Variants in TXLNA observed in about 807,000 individuals in gnomAD.
TXLNA encodes the protein alpha-taxilin.
A neutral mutation model predicts 61.4 loss-of-function variants in TXLNA; 9 were observed. That is an observed-to-expected ratio of 0.15 (90% CI 0.09 to 0.26). The LOEUF is 0.26. TXLNA is among the 10% of genes least tolerant of loss of function. The pLI, the probability that TXLNA is intolerant of heterozygous loss-of-function variation, is 1.00. For synonymous variants in TXLNA, 257 were observed against 267.7 expected, an observed-to-expected ratio of 0.96 and a Z score of 0.39; for missense variants, 565 against 688.8, an observed-to-expected ratio of 0.82 and a Z score of 2.01.
In TXLNA at chr1:32,180,451, C is replaced by A; in HGVS notation, c.106C>A (p.Gln36Lys). The change falls in exon 2 of 11, where the codon CAG (glutamine) becomes AAG (lysine). Residue 36 changes from glutamine to lysine, a missense_variant. Coordinates refer to ENST00000373610, the MANE Select transcript of TXLNA (RefSeq NM_175852.4). ...CGAGGGAGCCCAGGAGCGGCCCAGCCAGGCGGCTCCTGCAGTAGAAGCAGA... is the reference window on the plus strand; with the variant it reads ...CGAGGGAGCCCAGGAGCGGCCCAGCAAGGCGGCTCCTGCAGTAGAAGCAGA... ...GPEGAQERPS[Q>K]AAPAVEAEGP... The A allele has an allele frequency of 6.2e-7, 1 of 1,613,250 alleles. No homozygotes were observed. Among genetic ancestry groups the A allele is most frequent in the East Asian group, 2.2e-5 (1 of 44,868 alleles).
At chr1:32,184,689 G>A (rs2124140231) in intron 4 of TXLNA, 73 bp downstream of exon 4, 3 of 1,048,606 alleles carry the variant, frequency 2.9e-6, no homozygotes, top group Admixed American at 2.0e-5. Context: ...AAGGTTGGGG[G>A]TGCAGAGTCA....
Position 32,180,335 on chromosome 1 carries a change from C to T in TXLNA, c.-11C>T, listed in dbSNP as rs1176172022. On this transcript the variant is annotated 5_prime_UTR_variant, in exon 2 of 11. Transcript: ENST00000373610. ...AAAGGATCTTCTCCTGACCCAGCAT[C>T]GCTCATCACAATGAAGAACCAAGAC... 2 of 1,603,272 alleles carry T rather than the reference C, an allele frequency of 1.2e-6. No homozygotes were observed. Among genetic ancestry groups the T allele is most frequent in the African/African-American group, 1.3e-5 (1 of 74,080 alleles).
intron 5 of TXLNA, among the ~76,000 whole-genome samples, chr1:32,189,584 G>A (rs937429919): frequency 2.7e-5 from 4 of 147,444 alleles, no homozygotes; most frequent in Non-Finnish European, 4.5e-5. Context: ...GTGGCCCATC[G>A]CCCAGGCTGG....
intron 5 of TXLNA, among the ~76,000 whole-genome samples, chr1:32,189,027 T>C (rs531773377): frequency 2.8e-3 from 431 of 152,372 alleles, no homozygotes; most frequent in Non-Finnish European, 5.0e-3. Context: ...TACCATTTCA[T>C]ATCCTGTGCC....
At chr1:32,190,373 T>A in intron 6 of TXLNA, 124 bp downstream of exon 6, 3 of 892,518 alleles carry the variant, frequency 3.4e-6, no homozygotes, top group Non-Finnish European at 4.9e-6. Context: ...TCCTCCTCCT[T>A]GGGAGGAGAG....
rs889359893 is a variant in TXLNA at position 32,179,723 on chromosome 1, G to C, written c.-86G>C. On this transcript the variant is annotated 5_prime_UTR_variant, in exon 1 of 11. Transcript: ENST00000373610. ...GGCGGCTGGCCGGCAGCAGTTACTCGGGGTTTCCGGTGCGAGGCCAGAGGT... is the reference window on the plus strand; with the variant it reads ...GGCGGCTGGCCGGCAGCAGTTACTCCGGGTTTCCGGTGCGAGGCCAGAGGT... 1 of 152,442 alleles carries C rather than the reference G, an allele frequency of 6.6e-6. No homozygotes were observed. Among genetic ancestry groups the C allele is most frequent in the Non-Finnish European group, 1.5e-5 (1 of 68,238 alleles). The allele number at this position is 152,442 out of a possible 1,614,324, so 9.4% of individuals were successfully genotyped here.
At chr1:32,194,285 T>C in intron 10 of TXLNA, 125 bp downstream of exon 10, 1 of 776,190 alleles carries the variant, frequency 1.3e-6, no homozygotes, top group Non-Finnish European at 2.1e-6. Flanking sequence ...TTGCACACAA[T>C]GTCCAAGTCC....
rs1642877169 is a variant in TXLNA, at chr1:32,190,260, C to T, written c.963+11C>T. On this transcript the variant is annotated intron_variant, in intron 6 of 10. Coordinates refer to ENST00000373610, the MANE Select transcript of TXLNA (RefSeq NM_175852.4). ...GAGCTGCGCGAGGAGGTAAGGGTAT[C>T]ACGGACAGCAGTCATGGCCCAGAAA... 1.9e-6 allele frequency: 3 copies of T among 1,580,530 alleles called. No individual in the cohort carries two copies. The highest frequency in any genetic ancestry group is 2.6e-6 in the Non-Finnish European group (3 of 1,157,830).
At chr1:32,185,478 C>T (rs1014152072) in intron 4 of TXLNA, among the ~76,000 whole-genome samples, 4 of 151,634 alleles carry the variant, frequency 2.6e-5, no homozygotes, top group African/African-American at 7.3e-5. Flanking sequence ...CTGCAAGCTC[C>T]GCCTTCTGGG....
Position 32,192,449 on chromosome 1 carries a change from G to A in TXLNA, c.1083+19G>A. On this transcript the variant is annotated intron_variant, in intron 7 of 10. Transcript: ENST00000373610. This position sits in a 1 kb window ranked among gnomAD's most constrained non-coding sequence, Gnocchi z 4.2. ...GGATTTTGTGAGGCTCAGGCCCCAG[G>A]GTTGGGGTGGGGGTGGGAGGAGACA... 3.9e-6 allele frequency: 6 copies of A among 1,530,808 alleles called. No homozygotes were observed. Among genetic ancestry groups the A allele is most frequent in the Non-Finnish European group, 4.3e-6 (5 of 1,154,212 alleles). The allele number at this position is 1,530,808 out of a possible 1,614,324, so 94.8% of individuals were successfully genotyped here. A position where few individuals can be genotyped will look rare whatever the true frequency, so the allele number is the denominator to read the frequency against.
At chr1:32,194,868 G>C (rs757265173) in intron 10 of TXLNA, 34 bp from the exon 11 acceptor site, 5 of 1,564,986 alleles carry the variant, frequency 3.2e-6, no homozygotes, top group Non-Finnish European at 4.3e-6. Context: ...AGGTTGATGG[G>C]GCACGGCACT....
intron 5 of TXLNA, among the ~76,000 whole-genome samples, chr1:32,189,391 C>G (rs573374307): frequency 6.6e-6 from 1 of 152,242 alleles, no homozygotes. Context: ...CTGGGTGTTA[C>G]TAAATTTTAA....
intron 6 of TXLNA, among the ~76,000 whole-genome samples, chr1:32,191,690 C>T (rs572385484): frequency 6.6e-6 from 1 of 152,214 alleles, no homozygotes; most frequent in Non-Finnish European, 1.5e-5. Flanking sequence ...CTGGACTTAC[C>T]TGCTAGGCAC....
intron 4 of TXLNA, among the ~76,000 whole-genome samples, chr1:32,185,718 G>T (rs1486728227): frequency 7.5e-6 from 1 of 134,130 alleles, no homozygotes; most frequent in Non-Finnish European, 1.6e-5. Context: ...TATTTATTCA[G>T]AGTCAGAGTC....
intron 5 of TXLNA, 94 bp downstream of exon 5, chr1:32,188,218 G>T (rs1642828436): frequency 2.2e-6 from 3 of 1,369,556 alleles, no homozygotes; most frequent in South Asian, 1.5e-5. Flanking sequence ...AGTAGTGCAG[G>T]CTAGGGCCAG....
At chr1:32,189,979 A>T in intron 5 of TXLNA, 76 bp from the exon 6 acceptor site, 11 of 1,450,272 alleles carry the variant, frequency 7.6e-6, no homozygotes, top group Non-Finnish European at 8.4e-6. Flanking sequence ...GTTGGCAGAG[A>T]CCATCTGTGG....
intron 5 of TXLNA, among the ~76,000 whole-genome samples, chr1:32,189,508 ACATGTGTG>A (rs1477150247): frequency 7.9e-5 from 12 of 151,954 alleles, no homozygotes; most frequent in Non-Finnish European, 1.5e-4. Flanking sequence ...CTTAGCACTT[ACATGTGTG>A]CATGTGTGCC....
Position 32,195,180 on chromosome 1 carries a change from C to T in TXLNA, c.1626C>T (p.Thr542=). Reference sequence around the variant, plus strand: ...GCCAGACTGGGCCTCAAGAGCCCACCTCCGCCAGGGCCTAGAGAGCCTGGT... The same window carrying T: ...GCCAGACTGGGCCTCAAGAGCCCACTTCCGCCAGGGCCTAGAGAGCCTGGT... ...ASGQTGPQEP[T]SARA is the part of the protein sequence containing the mutation. The change falls in exon 11 of 11, where the codon ACC becomes ACT. Residue 542 remains threonine, a synonymous_variant. Coordinates refer to ENST00000373610, the MANE Select transcript of TXLNA (RefSeq NM_175852.4). The T allele has an allele frequency of 6.2e-7, 1 of 1,601,090 alleles. No homozygotes were observed. The highest frequency in any genetic ancestry group is 8.5e-7 in the Non-Finnish European group (1 of 1,174,006).
In TXLNA at chr1:32,181,406, A is replaced by G. The variant is rs1268996972; in HGVS notation, c.334A>G (p.Lys112Glu). The part of the protein sequence containing the change: ...GEPAEPEDAE[K>E]SRTYVARNGE... ...GCCGGCTGAACCCGAAGATGCAGAG[A>G]AGTCCCGGACCTATGTGGCAAGGAA... The change falls in exon 3 of 11, where the codon AAG (lysine) becomes GAG (glutamate). Residue 112 changes from lysine (K) to glutamate (E), a missense_variant. Lys to Glu is a moderately conservative substitution (Grantham distance 56). This residue lies in a region of TXLNA where 192 missense variants were observed against 184.8 expected (regional missense o/e 1.04). Coordinates refer to ENST00000373610, the MANE Select transcript of TXLNA (RefSeq NM_175852.4). The G allele has an allele frequency of 3.1e-6, 5 of 1,614,226 alleles. No individual in the cohort carries two copies. Among genetic ancestry groups the G allele is most frequent in the Non-Finnish European group, 4.2e-6 (5 of 1,180,046 alleles).
Sources: allele counts gnomAD v4.1 joint callset (sites outside exome capture counted in the v4.1 genomes callset), GRCh38; gene constraint gnomAD v4.1.1; regional missense constraint gnomAD v4.1.1; non-coding constraint Gnocchi (gnomAD v3.1); transcripts MANE v1.5; gene names NCBI Gene and HGNC (gene_info 2026-07-23, HGNC 2026-07-21).